The following HPRT1 variants were observed in gnomAD, a reference collection of about 807,000 sequenced individuals.
HPRT1 encodes hypoxanthine phosphoribosyltransferase 1, also known as hypoxanthine-guanine phosphoribosyltransferase.
In HPRT1, 4 loss-of-function variants were observed where a neutral mutation model predicts 19.0. The observed-to-expected ratio is 0.21, with a 90% CI of 0.10 to 0.48. The LOEUF (loss-of-function observed/expected upper bound fraction) is 0.48, where lower values mean the gene tolerates loss of function less well. HPRT1 is among the 20% of genes least tolerant of loss of function. HPRT1 has a pLI of 0.98. For missense variants in HPRT1, 65 were observed against 164.0 expected (o/e 0.40, Z 3.30); for synonymous variants, 53 against 54.9 (o/e 0.97, Z 0.15).
chrX:134,478,737 C>T (rs183993762), intron 3 of HPRT1, among the ~76,000 whole-genome samples: 101 of 112,119 alleles, frequency 9.0e-4, no homozygotes, highest in African/African-American at 3.0e-3. Flanking sequence ...TCTCTGTGTA[C>T]ACACACACAT....
rs369718063 is a variant in HPRT1 at position 134,499,230 on chromosome X, G to A, written c.609+546G>A. On this transcript the variant is annotated intron_variant, in intron 8 of 8. Transcript: ENST00000298556. ...GCGGTGGCTCACACCTGTAATCCTA[G>A]CACTTTGGGAGGCCAAGCCGGACAG... is the stretch of plus-strand genomic sequence containing the variant. Among the ~76,000 whole-genome samples the A allele has an allele frequency of 3.6e-5, 4 of 111,855 alleles. No homozygotes were observed. The East Asian group carries it at 1.1e-3, about 31-fold the overall frequency.
chrX:134,484,639 G>T (rs2077648028), intron 3 of HPRT1, among the ~76,000 whole-genome samples: 1 of 112,047 alleles, frequency 8.9e-6, no homozygotes. Context: ...GAATAAAAAT[G>T]GTGTCATAGG....
chrX:134,469,100 A>G (rs891644309), intron 1 of HPRT1, among the ~76,000 whole-genome samples: 1 of 110,722 alleles, frequency 9.0e-6, no homozygotes, highest in African/African-American at 3.3e-5. Flanking sequence ...TAGACTTGGT[A>G]TAATGAACCT....
Position 134,500,089 on chromosome X carries a change from A to G in HPRT1, c.*12A>G. ...AATACAAAGCCTAAGATGAGAGTTC[A>G]AGTTGAGTTTGGAAACATCTGGAGT... On this transcript the variant is annotated 3_prime_UTR_variant, in exon 9 of 9. Coordinates refer to ENST00000298556, the MANE Select transcript of HPRT1 (RefSeq NM_000194.3). The G allele has an allele frequency of 8.8e-7, 1 of 1,140,845 alleles. No individual in the cohort carries two copies. Among genetic ancestry groups the G allele is most frequent in the Non-Finnish European group, 1.2e-6 (1 of 830,738 alleles). 94.0% of individuals were successfully genotyped at this position (1,140,845 alleles called of 1,213,427 possible).
chrX:134,475,415 T>G, intron 3 of HPRT1, 51 bp downstream of exon 3: 1 of 835,651 alleles, frequency 1.2e-6, no homozygotes, highest in Non-Finnish European at 1.8e-6. Flanking sequence ...TAGGTTTTCT[T>G]ATATTTTCTT....
Position 134,486,771 on chromosome X carries a change from T to A in HPRT1, c.384+241T>A, listed in dbSNP as rs2124298451. On this transcript the variant is annotated intron_variant, in intron 4 of 8. Transcript: ENST00000298556. ...ACTGCTGTCTGCCTCTGTGGGACTC[T>A]AATTTGGGATCCTTCAAAAAACATT... The A allele has an allele frequency of 9.9e-6, 3 of 301,673 alleles. No individual in the cohort carries two copies. The East Asian group carries it at 2.3e-4, about 23-fold the overall frequency. The allele number at this position is 301,673 out of a possible 1,213,427, so 24.9% of individuals were successfully genotyped here.
At position 134,500,125 on chromosome X, in the gene HPRT1, T is replaced by C. The variant is rs748954438; in HGVS notation, c.*48T>C. 3.0e-5 allele frequency: 26 copies of C among 855,684 alleles called. No homozygotes were observed. The highest frequency in any genetic ancestry group is 4.5e-5 in the Non-Finnish European group (26 of 571,562). The allele number at this position is 855,684 out of a possible 1,213,427, so 70.5% of individuals were successfully genotyped here. ...GGAAACATCTGGAGTCCTATTGACATCGCCAGTAAAATTATCAATGTTCTA... is the reference window on the plus strand; with the variant it reads ...GGAAACATCTGGAGTCCTATTGACACCGCCAGTAAAATTATCAATGTTCTA... On this transcript the variant is annotated 3_prime_UTR_variant, in exon 9 of 9. Coordinates refer to ENST00000298556, the MANE Select transcript of HPRT1 (RefSeq NM_000194.3).
chrX:134,474,211 A>G (rs17884854), intron 2 of HPRT1, among the ~76,000 whole-genome samples: 1 of 111,676 alleles, frequency 9.0e-6, no homozygotes, highest in Admixed American at 9.6e-5. Context: ...TCCACTATTG[A>G]TAGACACTAT....
At chrX:134,463,100 C>G (rs1700328474) in intron 1 of HPRT1, among the ~76,000 whole-genome samples, 1 of 111,393 alleles carries the variant, frequency 9.0e-6, no homozygotes, top group Non-Finnish European at 1.9e-5. Context: ...TAACAGGTAC[C>G]CTTTAGGTAA....
intron 3 of HPRT1, among the ~76,000 whole-genome samples, chrX:134,477,690 T>TA (rs2077629390): frequency 9.0e-6 from 1 of 111,449 alleles, no homozygotes; most frequent in African/African-American, 3.3e-5. Flanking sequence ...AGTTTTTTTT[T>TA]AAAGACAAGG....
At chrX:134,495,544 C>A (rs1305178985) in intron 6 of HPRT1, among the ~76,000 whole-genome samples, 1 of 111,440 alleles carries the variant, frequency 9.0e-6, no homozygotes, top group African/African-American at 3.3e-5. Context: ...TGCTTAATTG[C>A]GTTTTAGAAT....
chrX:134,475,916 C>T (rs2077624166), intron 3 of HPRT1, among the ~76,000 whole-genome samples: 1 of 112,108 alleles, frequency 8.9e-6, no homozygotes, highest in Admixed American at 9.5e-5. Context: ...AACATTGACA[C>T]TGTGGATGAA....
At chrX:134,465,917 C>CT (rs764146095) in intron 1 of HPRT1, among the ~76,000 whole-genome samples, 2 of 110,702 alleles carry the variant, frequency 1.8e-5, no homozygotes, top group Non-Finnish European at 3.8e-5. Flanking sequence ...CATACAGGAC[C>CT]TTTTTTTTGT....
intron 3 of HPRT1, among the ~76,000 whole-genome samples, chrX:134,479,168 G>A (rs2077632802): frequency 2.7e-5 from 3 of 112,030 alleles, no homozygotes; most frequent in Admixed American, 1.9e-4. Flanking sequence ...GCAATGTAGC[G>A]AGACGCCATC....
chrX:134,488,266 T>C (rs1465278997), intron 4 of HPRT1, among the ~76,000 whole-genome samples: 2 of 110,432 alleles, frequency 1.8e-5, no homozygotes. Context: ...GACTCCCAAG[T>C]AGCTGGGATT....
chrX:134,492,703 G>A (rs191060050), intron 5 of HPRT1, among the ~76,000 whole-genome samples: 1 of 112,319 alleles, frequency 8.9e-6, no homozygotes, highest in African/African-American at 3.2e-5. Flanking sequence ...CTAATCACAG[G>A]AGCGGCTATC....
At chrX:134,486,072 G>A (rs1165930217) in intron 3 of HPRT1, among the ~76,000 whole-genome samples, 1 of 111,159 alleles carries the variant, frequency 9.0e-6, no homozygotes, top group African/African-American at 3.3e-5. Flanking sequence ...ATCGTACAGG[G>A]CCAGAACCAG....
At chrX:134,488,247 C>T (rs1388371195) in intron 4 of HPRT1, among the ~76,000 whole-genome samples, 1 of 110,595 alleles carries the variant, frequency 9.0e-6, no homozygotes, top group Non-Finnish European at 1.9e-5. Context: ...AAGTGATTCT[C>T]CTGCCTCAGA....
chrX:134,493,819 C>T (rs183223336), intron 6 of HPRT1, among the ~76,000 whole-genome samples: 4 of 111,772 alleles, frequency 3.6e-5, no homozygotes, highest in African/African-American at 1.3e-4. Context: ...TTTCAGCATG[C>T]TAATTATATC....
Sources: allele counts gnomAD v4.1 joint callset (sites outside exome capture counted in the v4.1 genomes callset), GRCh38; gene constraint gnomAD v4.1.1; transcripts MANE v1.5; gene names NCBI Gene and HGNC (gene_info 2026-07-23, HGNC 2026-07-21).